MPC1: variants seen among roughly 807,000 people sequenced by gnomAD.
MPC1 encodes the protein mitochondrial pyruvate carrier 1.
MPC1 carries 6 observed loss-of-function variants against 13.9 expected under a neutral mutation model. That is an observed-to-expected ratio of 0.43 (90% CI 0.24 to 0.85). MPC1 has a LOEUF of 0.85. MPC1 is among the 40% of genes least tolerant of loss of function. The probability of loss-of-function intolerance (pLI) is 0.24; values close to 1 mark genes in which losing one functional copy is unlikely to be tolerated. For missense variants in MPC1, 115 were observed against 143.3 expected (o/e 0.80, Z 1.01); for synonymous variants, 47 against 50.5 (o/e 0.93, Z 0.29).
chr6:166,365,163 T>C lies in MPC1; in HGVS notation c.*266A>G. On this transcript the variant is annotated 3_prime_UTR_variant, in exon 5 of 5. Transcript: ENST00000360961. The surrounding 1 kb of genome is among the most constrained non-coding windows in gnomAD (Gnocchi z 4.2). Reference sequence around the variant, plus strand: ...TAAATTCTAATAGATGATATACATATTACTGCAGATAAAACCATCATCAGA... The same window carrying C: ...TAAATTCTAATAGATGATATACATACTACTGCAGATAAAACCATCATCAGA... The C allele has an allele frequency of 3.0e-6, 1 of 329,308 alleles. No individual in the cohort carries two copies. The highest frequency in any genetic ancestry group is 5.4e-6 in the Non-Finnish European group (1 of 183,548). 20.4% of individuals were successfully genotyped at this position (329,308 alleles called of 1,614,324 possible).
At position 166,365,628 on chromosome 6, in the gene MPC1, G is replaced by A. The variant is rs924892591; in HGVS notation, c.306-175C>T. 2.6e-5 allele frequency among the ~76,000 whole-genome samples: 4 copies of A among 152,150 alleles called. No homozygotes were observed. Among genetic ancestry groups the A allele is most frequent in the African/African-American group, 7.2e-5 (3 of 41,426 alleles). ...ATCTGAAATGCTTAGGCCCAGACAT[G>A]TTTCAGATTTTTTCAGATTTCGGAA... On this transcript the variant is annotated intron_variant, in intron 4 of 4. Transcript: ENST00000360961. The surrounding 1 kb of genome is among the most constrained non-coding windows in gnomAD (Gnocchi z 4.2).
At chr6:166,371,460 A>C (rs1779376824) in intron 1 of MPC1, among the ~76,000 whole-genome samples, 1 of 152,194 alleles carries the variant, frequency 6.6e-6, no homozygotes, top group African/African-American at 2.4e-5. Context: ...GCAAAATCTC[A>C]AAGTTGAGCT....
intron 2 of MPC1, chr6:166,367,177 T>C: frequency 8.0e-7 from 1 of 1,255,976 alleles, no homozygotes; most frequent in Non-Finnish European, 1.0e-6. Flanking sequence ...AAGTCATCTC[T>C]GATTGTCCTA....
At chr6:166,370,553 T>C in intron 1 of MPC1, among the ~76,000 whole-genome samples, 1 of 152,154 alleles carries the variant, frequency 6.6e-6, no homozygotes, top group South Asian at 2.1e-4. Flanking sequence ...AGAAGCCACA[T>C]TAAGAAAACT....
chr6:166,381,783 A>G, intron 1 of MPC1: 1 of 978,234 alleles, frequency 1.0e-6, no homozygotes, highest in Middle Eastern at 5.2e-4. Context: ...GTATGACCTT[A>G]GAGACACGTC....
chr6:166,377,300 A>T (rs949597018), intron 1 of MPC1, among the ~76,000 whole-genome samples: 3 of 152,084 alleles, frequency 2.0e-5, no homozygotes, highest in African/African-American at 7.2e-5. Context: ...GGGCCTGCTC[A>T]TGTAGGAGGA....
chr6:166,367,002 T>C (rs140110900), intron 2 of MPC1, 111 bp from the exon 3 acceptor site: 1 of 1,568,968 alleles, frequency 6.4e-7, no homozygotes, highest in Non-Finnish European at 8.6e-7. Flanking sequence ...TGAGAACAAA[T>C]CTTCGTTTCC....
chr6:166,368,864 G>A (rs1359788450), intron 2 of MPC1: 13 of 984,744 alleles, frequency 1.3e-5, no homozygotes, highest in Admixed American at 6.2e-5. Context: ...CTCCTTTTCC[G>A]TTTACTCTCT....
At chr6:166,367,061 A>T (rs1779186364) in intron 2 of MPC1, 170 bp from the exon 3 acceptor site, 1 of 1,483,372 alleles carries the variant, frequency 6.7e-7, no homozygotes, top group Admixed American at 2.0e-5. Flanking sequence ...TAGGTATTGG[A>T]TTGTCCAAGT....
intron 1 of MPC1, chr6:166,381,753 A>C (rs1194303809): frequency 1.1e-6 from 1 of 942,940 alleles, no homozygotes; most frequent in Non-Finnish European, 1.3e-6. Flanking sequence ...AGTTAACAGA[A>C]AATAGAACAA....
At position 166,366,034 on chromosome 6, in the gene MPC1, G is replaced by A; in HGVS notation, c.245C>T (p.Ala82Val). The A allele has an allele frequency of 6.2e-7, 1 of 1,613,892 alleles. No homozygotes were observed. Among genetic ancestry groups the A allele is most frequent in the Non-Finnish European group, 8.5e-7 (1 of 1,179,828 alleles). The change falls in exon 4 of 5, where the codon GCA becomes GTA. Residue 82 changes from alanine (A) to valine (V), a missense_variant. Ala to Val is a moderately conservative substitution (Grantham distance 64). This residue lies in a region of MPC1 where 71 missense variants were observed against 88.5 expected (regional missense o/e 0.80). Coordinates refer to ENST00000360961, the MANE Select transcript of MPC1 (RefSeq NM_016098.4). ...GGCTACTTCATTTGTTGCGTGGCAT[G>A]CAAACAGAAGCCAGTTCCGAGGCTG... ...KVQPRNWLLF[A>V]CHATNEVAQL...
chr6:166,365,862 G>T lies in MPC1; in HGVS notation c.305+112C>A. ...AAGTTGTTTCCCCAACTGCTAAAGCGCATCTATACACACTCCAGTCCCGCA... is the reference window on the plus strand; with the variant it reads ...AAGTTGTTTCCCCAACTGCTAAAGCTCATCTATACACACTCCAGTCCCGCA... On this transcript the variant is annotated intron_variant, in intron 4 of 4. Coordinates refer to ENST00000360961, the MANE Select transcript of MPC1 (RefSeq NM_016098.4). The surrounding 1 kb of genome is among the most constrained non-coding windows in gnomAD (Gnocchi z 4.2). 6.0e-6 allele frequency: 8 copies of T among 1,337,960 alleles called. No homozygotes were observed. Among genetic ancestry groups the T allele is most frequent in the Non-Finnish European group, 8.1e-6 (8 of 992,712 alleles). The allele number at this position is 1,337,960 out of a possible 1,614,324, so 82.9% of individuals were successfully genotyped here. A position where few individuals can be genotyped will look rare whatever the true frequency, so the allele number is the denominator to read the frequency against.
chr6:166,376,779 CT>C (rs1464835477), intron 1 of MPC1, among the ~76,000 whole-genome samples: 1 of 152,192 alleles, frequency 6.6e-6, no homozygotes, highest in African/African-American at 2.4e-5. Context: ...CTACCAACGC[CT>C]TTTCTTGATT....
chr6:166,367,198 TTAAAAA>T (rs1779193222), intron 2 of MPC1: 2 of 1,170,678 alleles, frequency 1.7e-6, no homozygotes, highest in African/African-American at 1.6e-5. Context: ...TTTAGAACAT[TTAAAAA>T]TAAAAATAAG....
intron 2 of MPC1, 193 bp downstream of exon 2, chr6:166,370,025 G>C: frequency 1.4e-6 from 1 of 709,572 alleles, no homozygotes; most frequent in South Asian, 1.5e-5. Context: ...GCAGCCCCAG[G>C]AGCATGGCTG....
Position 166,373,528 on chromosome 6 carries a change from CCA to C in MPC1, c.72-3309_72-3308del, listed in dbSNP as rs575247276. ...CACAATTTATTTTGCCATTCACCTA[CCA>C]AAGGACATCTTGTTTGCTTCCAAAT... On this transcript the variant is annotated intron_variant, in intron 1 of 4. Coordinates refer to ENST00000360961, the MANE Select transcript of MPC1 (RefSeq NM_016098.4). Among the ~76,000 whole-genome samples the C allele has an allele frequency of 1.0e-3, 157 of 152,318 alleles. 1 individual carries two copies. Among genetic ancestry groups the C allele is most frequent in the African/African-American group, 3.6e-3 (149 of 41,580 alleles).
intron 1 of MPC1, among the ~76,000 whole-genome samples, 196 bp downstream of exon 1, chr6:166,382,610 T>C (rs879891770): frequency 5.3e-5 from 8 of 152,066 alleles, no homozygotes; most frequent in Admixed American, 5.2e-4. Flanking sequence ...CTCTACGCCG[T>C]CCGCTTCGGG....
rs151243193 is a variant in MPC1, at chr6:166,376,876, T to C, written c.71+5930A>G. On this transcript the variant is annotated intron_variant, in intron 1 of 4. Coordinates refer to ENST00000360961, the MANE Select transcript of MPC1 (RefSeq NM_016098.4). ...CTTAAAGTGGGTTTCTTGTAGACAA[T>C]GTATATTGAGTCTTATTTTTTGATC... Among the ~76,000 whole-genome samples, 62 of 152,360 alleles carry C rather than the reference T, an allele frequency of 4.1e-4. 1 individual carries two copies. In the East Asian group the frequency reaches 0.012, roughly 29 times the overall value.
intron 2 of MPC1, among the ~76,000 whole-genome samples, chr6:166,369,677 G>A (rs1201413358): frequency 5.3e-5 from 8 of 152,102 alleles, no homozygotes; most frequent in African/African-American, 1.7e-4. Context: ...ATTGATTTAT[G>A]CTGTCAGATA....
Sources: gnomAD v4.1 joint callset for allele counts (sites outside exome capture counted in the v4.1 genomes callset) on GRCh38, gnomAD v4.1.1 for gene constraint, gnomAD v4.1.1 regional missense constraint, Gnocchi (gnomAD v3.1) non-coding constraint, MANE v1.5 for transcripts, NCBI Gene and HGNC (gene_info 2026-07-23, HGNC 2026-07-21) for gene names.